The following GDPD1 variants were observed in gnomAD, a reference collection of about 807,000 sequenced individuals.
GDPD1 encodes lysophospholipase D GDPD1.
In GDPD1, 28 loss-of-function variants were observed where a neutral mutation model predicts 45.1. The ratio of observed to expected loss-of-function variants is 0.62; its 90% CI spans 0.46 to 0.85. GDPD1 has a LOEUF of 0.85. Among genes scored for constraint, GDPD1 ranks in the 40% least tolerant of loss-of-function variants. GDPD1 has a pLI of 0.00. For synonymous variants in GDPD1, 139 were observed against 131.4 expected (o/e 1.06, Z -0.40); for missense variants, 256 against 364.8 (o/e 0.70, Z 2.43).
At chr17:59,270,386 G>C (rs1227792156) in intron 7 of GDPD1, among the ~76,000 whole-genome samples, 1 of 151,532 alleles carries the variant, frequency 6.6e-6, no homozygotes, top group Non-Finnish European at 1.5e-5. Flanking sequence ...TAGAGACGGG[G>C]GGGGGTTTCA....
chr17:59,231,867 A>T (rs1295653669), intron 1 of GDPD1, among the ~76,000 whole-genome samples: 1 of 152,014 alleles, frequency 6.6e-6, no homozygotes, highest in Non-Finnish European at 1.5e-5. Flanking sequence ...GGCTCAAGCG[A>T]TCTTTCTACC....
At chr17:59,255,461 G>T (rs776172975) in intron 4 of GDPD1, among the ~76,000 whole-genome samples, 39 of 151,030 alleles carry the variant, frequency 2.6e-4, no homozygotes, top group Non-Finnish European at 4.7e-4. Context: ...TAAACAATAG[G>T]CCGGGCACAG....
rs201904592 is a variant in GDPD1, at chr17:59,255,802, T to TATACAC, written c.368-1317_368-1316insCACATA. 4.0e-4 allele frequency among the ~76,000 whole-genome samples: 37 copies of TATACAC among 92,716 alleles called. 3 individuals are homozygous for TATACAC. Among genetic ancestry groups the TATACAC allele is most frequent in the African/African-American group, 1.4e-3 (26 of 18,016 alleles). 60.8% of individuals were successfully genotyped at this position (92,716 alleles called of 152,430 possible). On this transcript the variant is annotated intron_variant, in intron 4 of 9. Transcript: ENST00000284116. ...ATATATATACGCGTATATATGTATA[T>TATACAC]ATATATATACGCGTATATATATATA...
In GDPD1 at chr17:59,269,604, C is replaced by T. The variant is rs540863871; in HGVS notation, c.711-1332C>T. 1.9e-4 allele frequency among the ~76,000 whole-genome samples: 29 copies of T among 152,056 alleles called. No homozygotes were observed. The South Asian group carries it at 5.6e-3, about 29-fold the overall frequency. ...TTGGGAGGCAGAGGCAGGCGGATCA[C>T]CTGAGGTCGGGAGTTCCATACCAGC... On this transcript the variant is annotated intron_variant, in intron 7 of 9. Coordinates refer to ENST00000284116, the MANE Select transcript of GDPD1 (RefSeq NM_182569.4).
intron 1 of GDPD1, among the ~76,000 whole-genome samples, chr17:59,230,975 G>C (rs1394112192): frequency 6.6e-6 from 1 of 152,206 alleles, no homozygotes; most frequent in African/African-American, 2.4e-5. Context: ...GTGTAAACTT[G>C]CTGTGGTAGG....
chr17:59,237,851 C>T (rs1214400816), intron 2 of GDPD1, among the ~76,000 whole-genome samples: 1 of 151,082 alleles, frequency 6.6e-6, no homozygotes, highest in Non-Finnish European at 1.5e-5. Context: ...AGGCGGATCA[C>T]TTGAGATGAG....
chr17:59,239,256 A>G (rs2047157606), intron 2 of GDPD1, among the ~76,000 whole-genome samples: 1 of 152,220 alleles, frequency 6.6e-6, no homozygotes, highest in Non-Finnish European at 1.5e-5. Context: ...TGAGATTCAA[A>G]TAAATTCTTT....
chr17:59,245,328 T>C, intron 2 of GDPD1, 86 bp from the exon 3 acceptor site: 1 of 1,025,216 alleles, frequency 9.8e-7, no homozygotes, highest in Non-Finnish European at 1.5e-6. Context: ...GGATTTTGGA[T>C]TTGTAACTCT....
chr17:59,245,598 A>G (rs2047204646), intron 3 of GDPD1, 49 bp downstream of exon 3: 1 of 1,470,066 alleles, frequency 6.8e-7, no homozygotes, highest in Non-Finnish European at 9.2e-7. Flanking sequence ...GTCGCGGCCT[A>G]TAAGATTTTT....
intron 1 of GDPD1, among the ~76,000 whole-genome samples, chr17:59,226,555 A>G (rs1318217905): frequency 6.6e-6 from 1 of 152,206 alleles, no homozygotes; most frequent in Non-Finnish European, 1.5e-5. Flanking sequence ...TAATTAGGTC[A>G]TCATAAAAAT....
Position 59,267,065 on chromosome 17 carries a change from A to G in GDPD1, c.601A>G (p.Ser201Gly). The change falls in exon 7 of 10, where the codon AGT becomes GGT. Residue 201 changes from serine to glycine, a missense_variant. Ser to Gly is a moderately conservative substitution (Grantham distance 56). Coordinates refer to ENST00000284116, the MANE Select transcript of GDPD1 (RefSeq NM_182569.4). ...GAATTCAGATATTCCTATACTCTTC[A>G]GTCTACAACGTGTCCTGCTCATTCT... ...KENSDIPILF[S>G]LQRVLLILGL... 1.2e-6 allele frequency: 2 copies of G among 1,612,612 alleles called. No homozygotes were observed. Among genetic ancestry groups the G allele is most frequent in the Non-Finnish European group, 1.7e-6 (2 of 1,178,684 alleles).
chr17:59,251,822 A>G (rs1046140183), intron 4 of GDPD1, among the ~76,000 whole-genome samples: 2 of 151,268 alleles, frequency 1.3e-5, no homozygotes, highest in Admixed American at 1.3e-4. Context: ...CCTGGGCCAC[A>G]TACAGAGACT....
intron 1 of GDPD1, among the ~76,000 whole-genome samples, chr17:59,232,407 G>A (rs1277986124): frequency 6.6e-6 from 1 of 150,658 alleles, no homozygotes; most frequent in African/African-American, 2.4e-5. Flanking sequence ...CCGAGATCAC[G>A]CCACTGCACT....
intron 6 of GDPD1, among the ~76,000 whole-genome samples, chr17:59,263,931 C>CTTA (rs755220473): frequency 1.6e-3 from 247 of 152,276 alleles, no homozygotes; most frequent in Non-Finnish European, 1.4e-3. Context: ...TTCATTCACA[C>CTTA]TTAACGCAGT....
chr17:59,229,673 TA>T (rs1431194188), intron 1 of GDPD1, among the ~76,000 whole-genome samples: 1 of 152,026 alleles, frequency 6.6e-6, no homozygotes, highest in Non-Finnish European at 1.5e-5. Flanking sequence ...ATAAATTTTT[TA>T]AAAAGAAAAA....
intron 2 of GDPD1, among the ~76,000 whole-genome samples, chr17:59,239,958 C>G (rs990242715): frequency 2.0e-5 from 3 of 151,876 alleles, no homozygotes; most frequent in Admixed American, 6.6e-5. Flanking sequence ...CCTCGGCCTC[C>G]CAAAATGCTG....
chr17:59,233,014 A>C (rs780121737), intron 1 of GDPD1, among the ~76,000 whole-genome samples: 1 of 151,764 alleles, frequency 6.6e-6, no homozygotes, highest in African/African-American at 2.4e-5. Context: ...CCAGGAGTTC[A>C]AGACCAGCCT....
intron 1 of GDPD1, among the ~76,000 whole-genome samples, chr17:59,233,999 C>G (rs1230260310): frequency 6.6e-6 from 1 of 151,970 alleles, no homozygotes; most frequent in African/African-American, 2.4e-5. Context: ...TGCAGATATT[C>G]CAAAATCTAA....
intron 4 of GDPD1, among the ~76,000 whole-genome samples, chr17:59,250,520 G>GT (rs950845720): frequency 1.3e-5 from 2 of 151,532 alleles, no homozygotes; most frequent in African/African-American, 4.9e-5. Flanking sequence ...GAGACTTGAG[G>GT]TGGGAGAATC....
Sources: gnomAD v4.1 joint callset for allele counts (sites outside exome capture counted in the v4.1 genomes callset) on GRCh38, gnomAD v4.1.1 for gene constraint, MANE v1.5 for transcripts, NCBI Gene and HGNC (gene_info 2026-07-23, HGNC 2026-07-21) for gene names.